CELF1: variants seen among roughly 807,000 people sequenced by gnomAD.
CELF1 encodes the protein 50 kDa nuclear polyadenylated RNA-binding protein.
A neutral mutation model predicts 61.8 loss-of-function variants in CELF1; 10 were observed. That is an observed-to-expected ratio of 0.16 (90% confidence interval 0.10 to 0.27). CELF1 has a LOEUF of 0.27. Ranked by LOEUF, CELF1 falls within the 10% of genes least tolerant of loss-of-function variation. The probability of loss-of-function intolerance (pLI) is 1.00; values close to 1 mark genes in which losing one functional copy is unlikely to be tolerated. For synonymous variants in CELF1, 236 were observed against 225.1 expected, an observed-to-expected ratio of 1.05 and a Z score of -0.43; for missense variants, 380 against 639.1, an observed-to-expected ratio of 0.59 and a Z score of 4.37.
chr11:47,469,238 G>A lies in CELF1; in HGVS notation c.*2992C>T, dbSNP rs980856149. ...CTCCCTGGTCACAACCCAAGGGGAA[G>A]CAGAAGATGCTGGCTGGGGTGGGGA... is the stretch of plus-strand genomic sequence containing the variant. On this transcript the variant is annotated 3_prime_UTR_variant, in exon 15 of 15. Transcript: ENST00000687097. The A allele has an allele frequency of 1.3e-4, 20 of 152,288 alleles. No homozygotes were observed. The highest frequency in any genetic ancestry group is 4.8e-4 in the African/African-American group (20 of 41,442). The allele number at this position is 152,288 out of a possible 1,614,324, so 9.4% of individuals were successfully genotyped here.
At chr11:47,559,242 C>T (rs1193084931) in intron 2 of CELF1, among the ~76,000 whole-genome samples, 1 of 151,234 alleles carries the variant, frequency 6.6e-6, no homozygotes, top group Non-Finnish European at 1.5e-5. Context: ...ACTACAGGCA[C>T]GCAGACTACA....
At chr11:47,472,495 G>T in intron 14 of CELF1, 138 bp from the exon 15 acceptor site, 1 of 894,294 alleles carries the variant, frequency 1.1e-6, no homozygotes. Flanking sequence ...TGGACATTAT[G>T]TCATACGAAA....
intron 10 of CELF1, among the ~76,000 whole-genome samples, chr11:47,477,995 C>T (rs1369917098): frequency 6.6e-6 from 1 of 151,468 alleles, no homozygotes; most frequent in Non-Finnish European, 1.5e-5. Context: ...AGAGCCCAGA[C>T]AACACAGTTG....
chr11:47,560,560 G>A (rs1485151854), intron 2 of CELF1, among the ~76,000 whole-genome samples: 1 of 152,160 alleles, frequency 6.6e-6, no homozygotes, highest in African/African-American at 2.4e-5. Context: ...AAGTCGATTC[G>A]TGGTTGTCAG....
intron 1 of CELF1, among the ~76,000 whole-genome samples, chr11:47,504,863 T>C (rs2094339786): frequency 6.9e-6 from 1 of 145,516 alleles, no homozygotes; most frequent in African/African-American, 2.5e-5. Flanking sequence ...CACCATGCCA[T>C]TGCACTCCAG....
At chr11:47,559,353 C>T (rs1176680913) in intron 2 of CELF1, among the ~76,000 whole-genome samples, 1 of 150,958 alleles carries the variant, frequency 6.6e-6, no homozygotes, top group Non-Finnish European at 1.5e-5. Flanking sequence ...GCATGAGCCA[C>T]TTCGCCTGGC....
rs2087547283 is a variant in CELF1, at chr11:47,486,781, C to T, written c.360G>A (p.Gln120=). 1 of 1,611,538 alleles carries T rather than the reference C, an allele frequency of 6.2e-7. No homozygotes were observed. Among genetic ancestry groups the T allele is most frequent in the South Asian group, 1.1e-5 (1 of 91,032 alleles). ...KVLPGMHHPI[Q]MKPADSEKNN... ...TCTTCTCACTGTCAGCAGGTTTCAT[C>T]TGTATAGGGTGATGCATCTGAAAAG... Residue 120 remains glutamine, a synonymous_variant, in exon 6 of 15, where the codon CAG becomes CAA. Transcript: ENST00000687097.
chr11:47,466,456 G>A lies in CELF1; in HGVS notation c.*5774C>T, dbSNP rs1171984758. 6 of 151,650 alleles carry A rather than the reference G, an allele frequency of 4.0e-5. No individual in the cohort carries two copies. The highest frequency in any genetic ancestry group is 1.5e-4 in the African/African-American group (6 of 41,246). 9.4% of individuals were successfully genotyped at this position (151,650 alleles called of 1,614,324 possible). On this transcript the variant is annotated 3_prime_UTR_variant, in exon 15 of 15. Transcript: ENST00000687097. ...TCACATTGTGAAATCACTTTACATT[G>A]TTTTCTAGTAGAAAAGGCAAAAAAC...
intron 1 of CELF1, among the ~76,000 whole-genome samples, chr11:47,540,319 G>A (rs1427969869): frequency 6.6e-6 from 1 of 152,198 alleles, no homozygotes; most frequent in Non-Finnish European, 1.5e-5. Flanking sequence ...AACACGAAAT[G>A]TGATGTCTGC....
rs994533313 is a variant in CELF1 at position 47,467,436 on chromosome 11, C to T, written c.*4794G>A. 2 of 152,324 alleles carry T rather than the reference C, an allele frequency of 1.3e-5. No individual in the cohort carries two copies. The highest frequency in any genetic ancestry group is 6.5e-5 in the Admixed American group (1 of 15,270). 9.4% of individuals were successfully genotyped at this position (152,324 alleles called of 1,614,324 possible). Reference sequence around the variant, plus strand: ...AAACAAATCCCTGCCCTTTCCCCCACCCCACTAGCTAAGCAAGAGCAGAGC... The same window carrying T: ...AAACAAATCCCTGCCCTTTCCCCCATCCCACTAGCTAAGCAAGAGCAGAGC... On this transcript the variant is annotated 3_prime_UTR_variant, in exon 15 of 15. Transcript: ENST00000687097.
intron 1 of CELF1, among the ~76,000 whole-genome samples, chr11:47,552,130 C>A (rs780753439): frequency 6.6e-6 from 1 of 151,996 alleles, no homozygotes; most frequent in African/African-American, 2.4e-5. Context: ...AGCCTTTTTA[C>A]TCGAAGGTAA....
intron 1 of CELF1, among the ~76,000 whole-genome samples, chr11:47,551,467 T>A (rs1205726996): frequency 6.6e-6 from 1 of 152,164 alleles, no homozygotes; most frequent in East Asian, 1.9e-4. Context: ...AAAATTAACA[T>A]GAGAAGAAAA....
intron 1 of CELF1, among the ~76,000 whole-genome samples, chr11:47,517,545 A>G (rs1221658082): frequency 6.6e-6 from 1 of 152,216 alleles, no homozygotes; most frequent in Non-Finnish European, 1.5e-5. Context: ...CATGGCTTGT[A>G]TATGAACAGA....
chr11:47,551,691 A>C (rs1203851011), intron 1 of CELF1, among the ~76,000 whole-genome samples: 1 of 152,188 alleles, frequency 6.6e-6, no homozygotes, highest in East Asian at 1.9e-4. Flanking sequence ...ATTCATGGGT[A>C]ATCAAAGACA....
intron 3 of CELF1, among the ~76,000 whole-genome samples, chr11:47,492,405 G>C (rs960601491): frequency 6.6e-6 from 1 of 152,122 alleles, no homozygotes; most frequent in Admixed American, 6.6e-5. Context: ...TAATCCTAAT[G>C]TTCCAACAGA....
chr11:47,489,935 G>GCTTTTTTTTTTTTTTTT (rs1555170254), intron 3 of CELF1, among the ~76,000 whole-genome samples: 1 of 48,226 alleles, frequency 2.1e-5, no homozygotes, highest in Non-Finnish European at 3.9e-5. Flanking sequence ...ATACCATCTT[G>GCTTTTTTTTTTTTTTTT]TTTTTTTTTT....
intron 3 of CELF1, chr11:47,494,479 A>G (rs1389472863): frequency 1.0e-6 from 1 of 983,938 alleles, no homozygotes; most frequent in Admixed American, 6.1e-5. Flanking sequence ...AATTGGGAAG[A>G]GACACACGAG....
At chr11:47,524,472 T>C (rs1026860971) in intron 1 of CELF1, 1 of 152,116 alleles carries the variant, frequency 6.6e-6, no homozygotes, top group African/African-American at 2.4e-5. Context: ...TTCTCTACAA[T>C]TTACAATTGA....
chr11:47,497,733 G>A (rs112917929), intron 3 of CELF1, among the ~76,000 whole-genome samples: 3,159 of 152,310 alleles, frequency 0.021, 126 homozygotes, highest in African/African-American at 0.072. Context: ...CTTGTTTCTA[G>A]AGTCTTGGGG....
Sources: gnomAD v4.1 joint callset for allele counts (sites outside exome capture counted in the v4.1 genomes callset) on GRCh38, gnomAD v4.1.1 for gene constraint, MANE v1.5 for transcripts, NCBI Gene and HGNC (gene_info 2026-07-23, HGNC 2026-07-21) for gene names.